The following KCNA6 variants were observed in gnomAD, a reference collection of about 807,000 sequenced individuals.
The protein encoded by KCNA6 is human brain potassium channel-2.
KCNA6 carries 17 observed loss-of-function variants against 29.5 expected under a neutral mutation model. The ratio of observed to expected loss-of-function variants is 0.58; its 90% CI spans 0.39 to 0.86. The LOEUF is 0.86. KCNA6 is among the 40% of genes least tolerant of loss of function. The pLI is 0.00. For synonymous variants in KCNA6, 296 were observed against 304.7 expected (o/e 0.97, Z 0.30); for missense variants, 450 against 703.4 (o/e 0.64, Z 4.07).
chr12:4,825,268 T>C, the KCNA6 span, among the ~76,000 whole-genome samples: 1 of 152,226 alleles, frequency 6.6e-6, no homozygotes, highest in African/African-American at 2.4e-5. Flanking sequence ...CAACTTTCCA[T>C]GGAGAAAGAA....
the KCNA6 span, among the ~76,000 whole-genome samples, chr12:4,848,837 T>C: frequency 2.6e-5 from 4 of 152,164 alleles, no homozygotes; most frequent in African/African-American, 9.7e-5. Flanking sequence ...AAAATTACGG[T>C]GCATTCAGTG....
the KCNA6 span, among the ~76,000 whole-genome samples, chr12:4,847,482 C>G: frequency 6.8e-3 from 1,030 of 152,056 alleles, 5 homozygotes; most frequent in South Asian, 0.011. Flanking sequence ...GGGAGAGTTC[C>G]TCAACCCTAG....
At chr12:4,839,082 ACT>A in the KCNA6 span, 1 of 152,180 alleles carries the variant, frequency 6.6e-6, no homozygotes, top group Non-Finnish European at 1.5e-5. Context: ...AAGCAGGCAA[ACT>A]CTGCTTATGC....
chr12:4,829,062 G>T, the KCNA6 span, among the ~76,000 whole-genome samples: 1 of 152,144 alleles, frequency 6.6e-6, no homozygotes, highest in Non-Finnish European at 1.5e-5. Context: ...AACAGAGTCC[G>T]CAGTGTGTGA....
At chr12:4,823,789 A>G in the KCNA6 span, among the ~76,000 whole-genome samples, 2 of 152,294 alleles carry the variant, frequency 1.3e-5, no homozygotes, top group African/African-American at 4.8e-5. Context: ...AAATAATAAA[A>G]TAAAATGGGG....
chr12:4,834,600 G>C, the KCNA6 span, among the ~76,000 whole-genome samples: 1 of 152,138 alleles, frequency 6.6e-6, no homozygotes, highest in Non-Finnish European at 1.5e-5. Context: ...CTGCCCTGCT[G>C]TTCATGCCTT....
chr12:4,824,274 A>G, the KCNA6 span, among the ~76,000 whole-genome samples: 37,185 of 152,164 alleles, frequency 0.24, 4,827 homozygotes, highest in Middle Eastern at 0.34. Context: ...TCTCTTGTCC[A>G]AACGTTAGAT....
chr12:4,844,661 T>C, the KCNA6 span, among the ~76,000 whole-genome samples: 1 of 152,116 alleles, frequency 6.6e-6, no homozygotes, highest in South Asian at 2.1e-4. This position sits in a 1 kb window ranked among gnomAD's most constrained non-coding sequence, Gnocchi z 4.0. Flanking sequence ...ACAGATTGCA[T>C]AGGGCCTTTG....
In KCNA6 at chr12:4,810,127, C is replaced by G. The variant is rs763410020; in HGVS notation, c.86C>G (p.Pro29Arg). The change falls in exon 1 of 1, where the codon CCG (proline) becomes CGG (arginine). Residue 29 changes from proline to arginine, a missense_variant. Physicochemically the swap from Pro to Arg is moderately radical, Grantham distance 103. This residue lies in a region of KCNA6 where 72 missense variants were observed against 64.2 expected (regional missense o/e 1.12). Coordinates refer to ENST00000280684, the Ensembl canonical transcript of KCNA6. The surrounding 1 kb of genome is among the most constrained non-coding windows in gnomAD (Gnocchi z 7.5). ...GAGCAACAGGATGCGGGAGACTTCC[C>G]GGAGGCCGGCGGGGGCGGGGGCTGC... 8.1e-6 allele frequency: 13 copies of G among 1,596,038 alleles called. No individual in the cohort carries two copies. Among genetic ancestry groups the G allele is most frequent in the Middle Eastern group, 1.7e-4 (1 of 5,968 alleles).
Position 4,810,120 on chromosome 12 carries a change from G to C in KCNA6, c.79G>C (p.Asp27His). 6.3e-7 allele frequency: 1 copy of C among 1,591,320 alleles called. No homozygotes were observed. Among genetic ancestry groups the C allele is most frequent in the East Asian group, 2.2e-5 (1 of 44,748 alleles). Residue 27 changes from aspartate (D) to histidine (H), a missense_variant, in exon 1 of 1, where the codon GAC becomes CAC. Asp to His is a moderately conservative substitution (Grantham distance 81, BLOSUM62 -1). Around this residue, in one of 7 missense-constraint regions of KCNA6, gnomAD observed 72 missense variants for 64.2 expected, o/e 1.12. Transcript: ENST00000280684. This position sits in a 1 kb window ranked among gnomAD's most constrained non-coding sequence, Gnocchi z 7.5. ...GGAGGGAGAGCAACAGGATGCGGGA[G>C]ACTTCCCGGAGGCCGGCGGGGGCGG...
chr12:4,818,838 G>GCACACA, the KCNA6 span, among the ~76,000 whole-genome samples: 193 of 148,738 alleles, frequency 1.3e-3, 2 homozygotes, highest in African/African-American at 4.2e-3. Flanking sequence ...CCCTGAAAGT[G>GCACACA]CACACACACA....
rs750929085 is a variant in KCNA6 at position 4,811,361 on chromosome 12, G to A, written c.1320G>A (p.Ser440=). The A allele has an allele frequency of 3.7e-6, 6 of 1,613,974 alleles. No individual in the cohort carries two copies. The highest frequency in any genetic ancestry group is 1.7e-5 in the Admixed American group (1 of 60,028). ...CTGTGGGGGGAAAGATCGTGGGCTC[G>A]CTGTGTGCCATCGCTGGGGTCCTCA... Residue 440 remains serine (S), a synonymous_variant, in exon 1 of 1, where the codon TCG becomes TCA. Transcript: ENST00000280684. This position sits in a 1 kb window ranked among gnomAD's most constrained non-coding sequence, Gnocchi z 7.1.
At chr12:4,829,370 T>C in the KCNA6 span, among the ~76,000 whole-genome samples, 3 of 152,160 alleles carry the variant, frequency 2.0e-5, no homozygotes, top group African/African-American at 7.2e-5. Context: ...GATATGATTA[T>C]CCAGTAGAAA....
chr12:4,838,251 G>T, the KCNA6 span, among the ~76,000 whole-genome samples: 5 of 152,320 alleles, frequency 3.3e-5, no homozygotes, highest in African/African-American at 9.6e-5. Flanking sequence ...TTTCAGAGCT[G>T]CCTGGGAATC....
the KCNA6 span, among the ~76,000 whole-genome samples, chr12:4,843,449 G>T: frequency 1.3e-5 from 2 of 152,088 alleles, no homozygotes; most frequent in African/African-American, 4.8e-5. Flanking sequence ...CAAAGTGCTG[G>T]GACTACAGGC....
chr12:4,842,334 G>T, the KCNA6 span, among the ~76,000 whole-genome samples: 2 of 152,158 alleles, frequency 1.3e-5, no homozygotes, highest in African/African-American at 4.8e-5. Flanking sequence ...TGAGCACGGT[G>T]AGCCTGGAGC....
exon 1 of KCNA6, chr12:4,809,958 C>A: frequency 6.9e-7 from 1 of 1,449,658 alleles, no homozygotes; most frequent in Non-Finnish European, 9.1e-7. Context: ...AGGGCGCAGC[C>A]GGGAGCTGGG....
chr12:4,839,048 A>T, the KCNA6 span: 1 of 152,224 alleles, frequency 6.6e-6, no homozygotes, highest in Non-Finnish European at 1.5e-5. Context: ...GGCTCTCAGG[A>T]GTTCAGGCAT....
At chr12:4,838,303 C>A in the KCNA6 span, among the ~76,000 whole-genome samples, 1 of 152,168 alleles carries the variant, frequency 6.6e-6, no homozygotes, top group Non-Finnish European at 1.5e-5. Context: ...TATTCAGAAA[C>A]AAACCTAAAG....
Sources: gnomAD v4.1 joint callset for allele counts (sites outside exome capture counted in the v4.1 genomes callset) on GRCh38, gnomAD v4.1.1 for gene constraint, gnomAD v4.1.1 regional missense constraint, Gnocchi (gnomAD v3.1) non-coding constraint, MANE v1.5 for transcripts, NCBI Gene and HGNC (gene_info 2026-07-23, HGNC 2026-07-21) for gene names.